Variants in RBAK observed in about 807,000 individuals in gnomAD.
RBAK encodes RB-associated KRAB zinc finger protein.
In RBAK, 39 loss-of-function variants were observed where a neutral mutation model predicts 65.8. That is an observed-to-expected ratio of 0.59 (90% CI 0.46 to 0.77). RBAK has a LOEUF of 0.77. RBAK is among the 30% of genes least tolerant of loss of function. The probability of loss-of-function intolerance (pLI) is 0.00; values close to 1 mark genes in which losing one functional copy is unlikely to be tolerated. For synonymous variants in RBAK, 343 were observed against 289.7 expected (o/e 1.18, Z -1.87); for missense variants, 884 against 855.1 (o/e 1.03, Z -0.42).
rs537248696 is a variant in RBAK, at chr7:5,066,188, T to A, written c.*587T>A. 5.4e-4 allele frequency: 83 copies of A among 152,746 alleles called. No individual in the cohort carries two copies. Among genetic ancestry groups the A allele is most frequent in the African/African-American group, 1.9e-3 (79 of 41,580 alleles). The allele number at this position is 152,746 out of a possible 1,614,324, so 9.5% of individuals were successfully genotyped here. A position where few individuals can be genotyped will look rare whatever the true frequency, so the allele number is the denominator to read the frequency against. ...TGGATGACTTGTGAAGAGGCAGTTT[T>A]CTTATTTGAGTATTAGGATGGCAAA... On this transcript the variant is annotated 3_prime_UTR_variant, in exon 5 of 5. Coordinates refer to ENST00000396912, the MANE Select transcript of RBAK (RefSeq NM_021163.4).
intron 4 of RBAK, among the ~76,000 whole-genome samples, chr7:5,061,089 A>C (rs542754102): frequency 9.2e-5 from 14 of 152,226 alleles, no homozygotes; most frequent in African/African-American, 3.1e-4. Context: ...TAAGTCAGCA[A>C]ATTGAAAGAA....
chr7:5,052,741 T>TTTGA (rs35675888), intron 2 of RBAK, among the ~76,000 whole-genome samples: 32,203 of 150,974 alleles, frequency 0.21, 3,549 homozygotes, highest in Middle Eastern at 0.27. Context: ...AACAGTTATC[T>TTTGA]TTGATTGATT....
Position 5,067,291 on chromosome 7 carries a change from C to G in RBAK, c.*1690C>G, listed in dbSNP as rs796861406. On this transcript the variant is annotated 3_prime_UTR_variant, in exon 5 of 5. Coordinates refer to ENST00000396912, the MANE Select transcript of RBAK (RefSeq NM_021163.4). ...GAATATAAATCTCTATTTGCAGATG[C>G]CATGAGTAAATTTGGTAAGTTCCCT... The G allele has an allele frequency of 3.9e-5, 6 of 152,198 alleles. No homozygotes were observed. Among genetic ancestry groups the G allele is most frequent in the Admixed American group, 1.3e-4 (2 of 15,292 alleles). 9.4% of individuals were successfully genotyped at this position (152,198 alleles called of 1,614,324 possible). A position where few individuals can be genotyped will look rare whatever the true frequency, so the allele number is the denominator to read the frequency against.
Position 5,064,537 on chromosome 7 carries a change from A to G in RBAK, c.1081A>G (p.Thr361Ala). Residue 361 changes from threonine to alanine, a missense_variant, in exon 5 of 5, where the codon ACC (threonine) becomes GCC (alanine). Physicochemically the swap from Thr to Ala is moderately conservative, Grantham distance 58. Coordinates refer to ENST00000396912, the MANE Select transcript of RBAK (RefSeq NM_021163.4). This position sits in a 1 kb window ranked among gnomAD's most constrained non-coding sequence, Gnocchi z 6.3. ...GKTFCQKTHL[T>A]LHQRNHSGER... The stretch of plus-strand genomic sequence containing the variant: ...AACCTTCTGCCAAAAGACACATCTC[A>G]CCCTGCACCAGAGGAATCATTCAGG... 6.2e-7 allele frequency: 1 copy of G among 1,613,854 alleles called. No individual in the cohort carries two copies. Among genetic ancestry groups the G allele is most frequent in the Non-Finnish European group, 8.5e-7 (1 of 1,179,842 alleles).
At chr7:5,058,787 TCAGGACTGTCCCC>T (rs1277300800) in intron 4 of RBAK, among the ~76,000 whole-genome samples, 1 of 152,266 alleles carries the variant, frequency 6.6e-6, no homozygotes, top group Non-Finnish European at 1.5e-5. Context: ...TCTTGCCTTT[TCAGGACTGTCCCC>T]CTAGGACCTG....
chr7:5,069,044 C>T lies in RBAK; in HGVS notation c.*3443C>T, dbSNP rs1357193234. ...GCTGAAAGGGGGCATTTATCTGGTG[C>T]TGGGAATAATCTGTTTCTAAACCTA... On this transcript the variant is annotated 3_prime_UTR_variant, in exon 5 of 5. Transcript: ENST00000396912. 1.3e-5 allele frequency: 2 copies of T among 152,178 alleles called. No individual in the cohort carries two copies. The highest frequency in any genetic ancestry group is 2.9e-5 in the Non-Finnish European group (2 of 68,038). 9.4% of individuals were successfully genotyped at this position (152,178 alleles called of 1,614,324 possible). A position where few individuals can be genotyped will look rare whatever the true frequency, so the allele number is the denominator to read the frequency against.
intron 2 of RBAK, among the ~76,000 whole-genome samples, chr7:5,054,404 T>TAA (rs1583455414): frequency 8.3e-6 from 1 of 120,890 alleles, no homozygotes; most frequent in Non-Finnish European, 1.7e-5. Flanking sequence ...AGACTTTGCC[T>TAA]CAAAAAAAAA....
intron 2 of RBAK, among the ~76,000 whole-genome samples, chr7:5,053,723 C>T (rs1180851244): frequency 6.6e-6 from 1 of 152,016 alleles, no homozygotes; most frequent in Admixed American, 6.5e-5. Flanking sequence ...TCTCTTTTTT[C>T]CACGATGCTG....
chr7:5,058,620 G>T (rs1778989208), intron 4 of RBAK, among the ~76,000 whole-genome samples: 1 of 152,116 alleles, frequency 6.6e-6, no homozygotes, highest in African/African-American at 2.4e-5. Flanking sequence ...ATGCTCAGTT[G>T]ATGTGACGCT....
In RBAK at chr7:5,069,251, G is replaced by A. The variant is rs1779297294; in HGVS notation, c.*3650G>A. The A allele has an allele frequency of 6.6e-6, 1 of 152,104 alleles. No homozygotes were observed. The highest frequency in any genetic ancestry group is 2.4e-5 in the African/African-American group (1 of 41,416). 9.4% of individuals were successfully genotyped at this position (152,104 alleles called of 1,614,324 possible). On this transcript the variant is annotated 3_prime_UTR_variant, in exon 5 of 5. Coordinates refer to ENST00000396912, the MANE Select transcript of RBAK (RefSeq NM_021163.4). ...ATATGCTGCACAACAGGAATTAAAT[G>A]GCAGATTTTGCATAATTCTGTGCAG...
At chr7:5,061,335 A>G (rs899806672) in intron 4 of RBAK, among the ~76,000 whole-genome samples, 1 of 152,016 alleles carries the variant, frequency 6.6e-6, no homozygotes, top group East Asian at 1.9e-4. Flanking sequence ...CCACTGTGCT[A>G]TATTGTGCAA....
At chr7:5,059,870 A>G (rs1404848477) in intron 4 of RBAK, among the ~76,000 whole-genome samples, 1 of 152,292 alleles carries the variant, frequency 6.6e-6, no homozygotes, top group East Asian at 1.9e-4. Context: ...TTCTAAGATT[A>G]TATGCTCTGA....
Position 5,066,683 on chromosome 7 carries a change from ATTAAC to A in RBAK, c.*1087_*1091del, listed in dbSNP as rs1467616740. 6.6e-6 allele frequency: 1 copy of A among 152,166 alleles called. No individual in the cohort carries two copies. Among genetic ancestry groups the A allele is most frequent in the Non-Finnish European group, 1.5e-5 (1 of 67,998 alleles). 9.4% of individuals were successfully genotyped at this position (152,166 alleles called of 1,614,324 possible). ...GTTTCTAGCAGATATTTTTTGATCAATTAACTTAATGTCCTCGCTCCATTTCTTGC... is the reference window on the plus strand; with the variant it reads ...GTTTCTAGCAGATATTTTTTGATCAATTAATGTCCTCGCTCCATTTCTTGC... On this transcript the variant is annotated 3_prime_UTR_variant, in exon 5 of 5. Transcript: ENST00000396912.
intron 4 of RBAK, among the ~76,000 whole-genome samples, chr7:5,061,460 T>TC (rs796956502): frequency 1.3e-5 from 2 of 150,868 alleles, no homozygotes; most frequent in Admixed American, 1.3e-4. Flanking sequence ...TTTCTTTTTT[T>TC]TTTTTTTTTA....
rs1471762783 is a variant in RBAK, at chr7:5,066,349, T to A, written c.*748T>A. 2 of 152,268 alleles carry A rather than the reference T, an allele frequency of 1.3e-5. No individual in the cohort carries two copies. The highest frequency in any genetic ancestry group is 2.9e-5 in the Non-Finnish European group (2 of 68,000). The allele number at this position is 152,268 out of a possible 1,614,324, so 9.4% of individuals were successfully genotyped here. A position where few individuals can be genotyped will look rare whatever the true frequency, so the allele number is the denominator to read the frequency against. ...CCTCATTAGTACAGGAGGCAGTCGT[T>A]TTGTAAAGTTTTCAACTGCATCTGA... On this transcript the variant is annotated 3_prime_UTR_variant, in exon 5 of 5. Transcript: ENST00000396912.
rs182268492 is a variant in RBAK, at chr7:5,067,837, G to A, written c.*2236G>A. 5.3e-5 allele frequency: 8 copies of A among 152,276 alleles called. No individual in the cohort carries two copies. The East Asian group carries it at 1.2e-3, about 22-fold the overall frequency. The allele number at this position is 152,276 out of a possible 1,614,324, so 9.4% of individuals were successfully genotyped here. ...ATTGAAGTGTAGTGGGGGAAAGGGT[G>A]TTCTTTCCAGTAAATGTACTTTGCC... On this transcript the variant is annotated 3_prime_UTR_variant, in exon 5 of 5. Transcript: ENST00000396912.
Position 5,063,865 on chromosome 7 carries a change from T to C in RBAK, c.409T>C (p.Cys137Arg). The change falls in exon 5 of 5, where the codon TGT becomes CGT. Residue 137 changes from cysteine (C) to arginine (R), a missense_variant. Physicochemically the swap from Cys to Arg is radical, Grantham distance 180. Coordinates refer to ENST00000396912, the MANE Select transcript of RBAK (RefSeq NM_021163.4). Reference sequence around the variant, plus strand: ...TCCTTCAAGCATAATAGCTCATAATTGTGTCTCATGTGGAAAGAATTTAGA... The same window carrying C: ...TCCTTCAAGCATAATAGCTCATAATCGTGTCTCATGTGGAAAGAATTTAGA... Reference protein sequence around the residue: ...LVPSSIIAHNCVSCGKNLESI... With the variant: ...LVPSSIIAHNRVSCGKNLESI... The C allele has an allele frequency of 4.3e-6, 7 of 1,614,038 alleles. No homozygotes were observed. Among genetic ancestry groups the C allele is most frequent in the Non-Finnish European group, 5.9e-6 (7 of 1,180,000 alleles).
chr7:5,065,773 A>G lies in RBAK; in HGVS notation c.*172A>G. ...GAGAAGAATCCCGAAGAATGTAACAAGAAGCAAAGCCTTCAGCAAGATCAT... is the reference window on the plus strand; with the variant it reads ...GAGAAGAATCCCGAAGAATGTAACAGGAAGCAAAGCCTTCAGCAAGATCAT... On this transcript the variant is annotated 3_prime_UTR_variant, in exon 5 of 5. Coordinates refer to ENST00000396912, the MANE Select transcript of RBAK (RefSeq NM_021163.4). This position sits in a 1 kb window ranked among gnomAD's most constrained non-coding sequence, Gnocchi z 5.3. 2.2e-6 allele frequency: 1 copy of G among 453,336 alleles called. No individual in the cohort carries two copies. The highest frequency in any genetic ancestry group is 3.8e-6 in the Non-Finnish European group (1 of 264,024). The allele number at this position is 453,336 out of a possible 1,614,324, so 28.1% of individuals were successfully genotyped here.
rs745583011 is a variant in RBAK, at chr7:5,046,397, G to A, written c.-45+1G>A. ...GCAGAGGCTGCGGAGCCCCAGAAGGGTAGGTCTTGGGTTTTCGGGCCCGGA... is the reference window on the plus strand; with the variant it reads ...GCAGAGGCTGCGGAGCCCCAGAAGGATAGGTCTTGGGTTTTCGGGCCCGGA... On this transcript the variant is annotated splice_donor_variant, in intron 1 of 4. Coordinates refer to ENST00000396912, the MANE Select transcript of RBAK (RefSeq NM_021163.4). LOFTEE classifies it low-confidence loss of function (5UTR_SPLICE). 9.7e-6 allele frequency: 5 copies of A among 515,544 alleles called. No homozygotes were observed. Among genetic ancestry groups the A allele is most frequent in the African/African-American group, 9.6e-5 (5 of 51,860 alleles). 31.9% of individuals were successfully genotyped at this position (515,544 alleles called of 1,614,324 possible).
Sources: allele counts gnomAD v4.1 joint callset (sites outside exome capture counted in the v4.1 genomes callset), GRCh38; gene constraint gnomAD v4.1.1; non-coding constraint Gnocchi (gnomAD v3.1); transcripts MANE v1.5; gene names NCBI Gene and HGNC (gene_info 2026-07-23, HGNC 2026-07-21).